ZEB2: variants seen among roughly 807,000 people sequenced by gnomAD.
The protein encoded by ZEB2 is zinc finger E-box binding homeobox 2, also known as zinc finger E-box-binding homeobox 2.
Under a neutral mutation model 99.9 loss-of-function variants are expected in ZEB2, and 6 were observed. That is an observed-to-expected ratio of 0.06 (90% CI 0.03 to 0.12). The LOEUF is 0.12. ZEB2 is among the 10% of genes least tolerant of loss of function. The probability of loss-of-function intolerance (pLI) is 1.00; values close to 1 mark genes in which losing one functional copy is unlikely to be tolerated. For missense variants in ZEB2, 969 were observed against 1,502.8 expected, an observed-to-expected ratio of 0.64 and a Z score of 5.87; for synonymous variants, 517 against 542.5, an observed-to-expected ratio of 0.95 and a Z score of 0.65.
chr2:144,472,078 A>G (rs2149909667), intron 2 of ZEB2, among the ~76,000 whole-genome samples: 1 of 152,004 alleles, frequency 6.6e-6, no homozygotes, highest in Non-Finnish European at 1.5e-5. Flanking sequence ...TATGCATAAC[A>G]TGTTTCCATT....
chr2:144,467,162 TAA>T (rs199536081), intron 2 of ZEB2, among the ~76,000 whole-genome samples: 1 of 140,512 alleles, frequency 7.1e-6, no homozygotes, highest in African/African-American at 2.6e-5. Flanking sequence ...CATTGTTAAA[TAA>T]AAAAAAAAAG....
At chr2:144,504,668 A>C (rs1017224045) in intron 2 of ZEB2, 5 of 152,198 alleles carry the variant, frequency 3.3e-5, no homozygotes, top group African/African-American at 1.2e-4. Flanking sequence ...TAAAGAGACA[A>C]GGGCTTTTCA....
chr2:144,473,395 T>A (rs937023365), intron 2 of ZEB2, among the ~76,000 whole-genome samples: 1 of 152,182 alleles, frequency 6.6e-6, no homozygotes, highest in Non-Finnish European at 1.5e-5. Context: ...TGCTATGTGG[T>A]CCTAAAACGT....
intron 2 of ZEB2, chr2:144,512,484 A>T (rs1052165858): frequency 7.8e-7 from 1 of 1,287,102 alleles, no homozygotes; most frequent in African/African-American, 1.5e-5. Context: ...ATTTTCTTTA[A>T]GCAAATTAAG....
rs934470843 is a variant in ZEB2, at chr2:144,404,102, A to G, written c.621T>C (p.Phe207=). The G allele has an allele frequency of 8.1e-6, 13 of 1,613,960 alleles. No homozygotes were observed. The African/African-American group carries it at 1.6e-4, about 20-fold the overall frequency. ...NDLPPGTPDA[F]AQLLTCPYCD... The stretch of plus-strand genomic sequence containing the variant: ...AGTAGGGGCAGGTCAGCAGTTGGGC[A>G]AAAGCATCTGGAGTTCCAGGTGGCA... The change falls in exon 6 of 10, where the codon TTT becomes TTC. Residue 207 remains phenylalanine (F), a synonymous_variant. Coordinates refer to ENST00000627532, the MANE Select transcript of ZEB2 (RefSeq NM_014795.4).
At chr2:144,437,065 T>C (rs1198465699) in intron 2 of ZEB2, among the ~76,000 whole-genome samples, 1 of 152,224 alleles carries the variant, frequency 6.6e-6, no homozygotes, top group Non-Finnish European at 1.5e-5. Context: ...ATTGTATTGA[T>C]GTTTCAAACA....
At position 144,444,636 on chromosome 2, in the gene ZEB2, A is replaced by G. The variant is rs533890072; in HGVS notation, c.74-14610T>C. ...AAATGATAATGAGTGTGTAAATCACATCTGTTCCCCCTCTGTGCCTGTATC... is the reference window on the plus strand; with the variant it reads ...AAATGATAATGAGTGTGTAAATCACGTCTGTTCCCCCTCTGTGCCTGTATC... On this transcript the variant is annotated intron_variant, in intron 2 of 9. Coordinates refer to ENST00000627532, the MANE Select transcript of ZEB2 (RefSeq NM_014795.4). Among the ~76,000 whole-genome samples the G allele has an allele frequency of 2.0e-5, 3 of 152,344 alleles. No individual in the cohort carries two copies. The South Asian group carries it at 6.2e-4, about 32-fold the overall frequency.
chr2:144,512,102 C>A lies in ZEB2; in HGVS notation c.73+5176G>T, dbSNP rs979137364. Reference sequence around the variant, plus strand: ...CGGGAATGAATGGTACAGTGGACACCCCAGCACCATTGACGTTATAAACAT... The same window carrying A: ...CGGGAATGAATGGTACAGTGGACACACCAGCACCATTGACGTTATAAACAT... On this transcript the variant is annotated intron_variant, in intron 2 of 9. Transcript: ENST00000627532. 10 of 1,287,096 alleles carry A rather than the reference C, an allele frequency of 7.8e-6. No individual in the cohort carries two copies. The Admixed American group carries it at 2.3e-4, about 30-fold the overall frequency. The allele number at this position is 1,287,096 out of a possible 1,614,324, so 79.7% of individuals were successfully genotyped here. A position where few individuals can be genotyped will look rare whatever the true frequency, so the allele number is the denominator to read the frequency against.
Position 144,418,817 on chromosome 2 carries a change from T to C in ZEB2, c.403+5979A>G, listed in dbSNP as rs1273433014. Among the ~76,000 whole-genome samples the C allele has an allele frequency of 3.3e-5, 5 of 151,966 alleles. No individual in the cohort carries two copies. The East Asian group carries it at 9.7e-4, about 29-fold the overall frequency. ...GCCATGAGAATGACACAATGGACTT[T>C]GGGGAAATGGTGGGAGGGTGATGAG... On this transcript the variant is annotated intron_variant, in intron 4 of 9. Transcript: ENST00000627532.
intron 2 of ZEB2, among the ~76,000 whole-genome samples, chr2:144,441,207 G>GAGAGA (rs1434340753): frequency 4.7e-5 from 7 of 148,650 alleles, no homozygotes; most frequent in African/African-American, 1.5e-4. Context: ...GAGAGAGAGA[G>GAGAGA]AACCTCATGC....
At chr2:144,447,497 C>T (rs75712950) in intron 2 of ZEB2, among the ~76,000 whole-genome samples, 2 of 152,308 alleles carry the variant, frequency 1.3e-5, no homozygotes, top group South Asian at 2.1e-4. Context: ...CCCCCAGTTA[C>T]TCCCATCTTG....
chr2:144,442,879 T>G (rs143757259), intron 2 of ZEB2, among the ~76,000 whole-genome samples: 27 of 152,318 alleles, frequency 1.8e-4, no homozygotes, highest in African/African-American at 5.8e-4. Flanking sequence ...GAAAGCATTT[T>G]GGAGTATTGT....
intron 2 of ZEB2, among the ~76,000 whole-genome samples, chr2:144,436,467 T>C (rs1265507432): frequency 6.6e-6 from 1 of 152,182 alleles, no homozygotes; most frequent in Non-Finnish European, 1.5e-5. Flanking sequence ...ATACGCATAT[T>C]AAATAAAATG....
chr2:144,418,394 A>G (rs1703571834), intron 4 of ZEB2, among the ~76,000 whole-genome samples: 1 of 152,254 alleles, frequency 6.6e-6, no homozygotes, highest in African/African-American at 2.4e-5. Flanking sequence ...ATGAACAAAA[A>G]TAGTTTGAAG....
intron 2 of ZEB2, among the ~76,000 whole-genome samples, chr2:144,508,972 T>C (rs1704990850): frequency 6.6e-6 from 1 of 152,150 alleles, no homozygotes; most frequent in Non-Finnish European, 1.5e-5. Context: ...TTCTATCTTT[T>C]TTTTTTCCCT....
chr2:144,391,521 G>T (rs1703154043), intron 9 of ZEB2, among the ~76,000 whole-genome samples: 2 of 152,220 alleles, frequency 1.3e-5, no homozygotes, highest in Admixed American at 1.3e-4. Flanking sequence ...TTTTGGAAAA[G>T]ATGTTTTGAA....
intron 2 of ZEB2, chr2:144,430,638 TC>T (rs1460684560): frequency 5.8e-6 from 1 of 171,828 alleles, no homozygotes; most frequent in East Asian, 1.9e-4. Flanking sequence ...AAAAGCCATA[TC>T]TTCTGGGCCA....
At chr2:144,511,570 C>T (rs1418698882) in intron 2 of ZEB2, 4 of 1,279,430 alleles carry the variant, frequency 3.1e-6, no homozygotes, top group Non-Finnish European at 4.1e-6. Context: ...TGAAGAAATA[C>T]TTGGATCTTA....
intron 2 of ZEB2, among the ~76,000 whole-genome samples, chr2:144,502,953 A>T (rs1704895547): frequency 6.6e-6 from 1 of 152,132 alleles, no homozygotes; most frequent in African/African-American, 2.4e-5. Flanking sequence ...TGTCATTTTA[A>T]AAAGTCTACT....
Sources: gnomAD v4.1 joint callset for allele counts (sites outside exome capture counted in the v4.1 genomes callset) on GRCh38, gnomAD v4.1.1 for gene constraint, MANE v1.5 for transcripts, NCBI Gene and HGNC (gene_info 2026-07-23, HGNC 2026-07-21) for gene names.